NUMB: variants seen among roughly 807,000 people sequenced by gnomAD.
NUMB encodes NUMB endocytic adaptor protein.
In NUMB, 29 loss-of-function variants were observed where a neutral mutation model predicts 59.7. The ratio of observed to expected loss-of-function variants is 0.49; its 90% CI spans 0.36 to 0.66. The LOEUF (loss-of-function observed/expected upper bound fraction) is 0.66. Ranked by LOEUF, NUMB falls within the 30% of genes least tolerant of loss-of-function variation. The probability of loss-of-function intolerance (pLI) is 0.00; values close to 1 mark genes in which losing one functional copy is unlikely to be tolerated. For missense variants in NUMB, 723 were observed against 822.0 expected (o/e 0.88, Z 1.47); for synonymous variants, 288 against 288.2 (o/e 1.00, Z 0.01).
intron 2 of NUMB, among the ~76,000 whole-genome samples, chr14:73,388,452 A>G (rs192170645): frequency 3.1e-4 from 47 of 152,368 alleles, no homozygotes; most frequent in Admixed American, 1.8e-3. Context: ...GTATTATAGC[A>G]GAAAGTAAAT....
chr14:73,362,613 T>C (rs1290064514), intron 3 of NUMB, among the ~76,000 whole-genome samples: 1 of 151,944 alleles, frequency 6.6e-6, no homozygotes, highest in Non-Finnish European at 1.5e-5. Flanking sequence ...CAGCTATTTT[T>C]TGTAGAGACG....
intron 8 of NUMB, among the ~76,000 whole-genome samples, chr14:73,288,547 G>A (rs573577793): frequency 1.3e-5 from 2 of 149,986 alleles, no homozygotes; most frequent in South Asian, 2.1e-4. Flanking sequence ...GCAAAACTCC[G>A]TCTCAAAAAA....
At chr14:73,399,485 C>G (rs566015206) in intron 2 of NUMB, among the ~76,000 whole-genome samples, 1 of 152,258 alleles carries the variant, frequency 6.6e-6, no homozygotes, top group East Asian at 1.9e-4. Flanking sequence ...ATTGCTTGAA[C>G]CCAGGACACA....
intron 1 of NUMB, among the ~76,000 whole-genome samples, chr14:73,437,318 T>C (rs902621506): frequency 5.3e-5 from 8 of 152,202 alleles, no homozygotes; most frequent in African/African-American, 1.9e-4. Flanking sequence ...ATTACAGGCA[T>C]AAGCCATCAC....
At chr14:73,379,948 T>C (rs748120828) in intron 2 of NUMB, among the ~76,000 whole-genome samples, 1 of 152,228 alleles carries the variant, frequency 6.6e-6, no homozygotes, top group African/African-American at 2.4e-5. Context: ...ACGAGATTTA[T>C]GTTTTTTAAG....
chr14:73,401,188 C>A (rs10137963), intron 2 of NUMB, among the ~76,000 whole-genome samples: 1 of 152,220 alleles, frequency 6.6e-6, no homozygotes, highest in African/African-American at 2.4e-5. Flanking sequence ...GAAATCCCCA[C>A]GCATTTTGGT....
chr14:73,407,224 A>C (rs751897265), intron 2 of NUMB, among the ~76,000 whole-genome samples: 1 of 152,076 alleles, frequency 6.6e-6, no homozygotes, highest in Non-Finnish European at 1.5e-5. Flanking sequence ...GGCCGAGATG[A>C]GCAGATGGCT....
Position 73,320,127 on chromosome 14 carries a change from G to A in NUMB, c.201+3003C>T, listed in dbSNP as rs896342858. On this transcript the variant is annotated intron_variant, in intron 5 of 12. Coordinates refer to ENST00000555238, the MANE Select transcript of NUMB (RefSeq NM_001005743.2). ...AACCTGGGTGACAGAGCAAGACTCC[G>A]ACTCGGCGGGGGGGCAAAAAAAGAA... Among the ~76,000 whole-genome samples, 11 of 144,062 alleles carry A rather than the reference G, an allele frequency of 7.6e-5. No homozygotes were observed. The South Asian group carries it at 9.0e-4, about 12-fold the overall frequency. The allele number at this position is 144,062 out of a possible 152,430, so 94.5% of individuals were successfully genotyped here.
At chr14:73,421,070 A>G (rs1200110894) in intron 1 of NUMB, among the ~76,000 whole-genome samples, 1 of 152,204 alleles carries the variant, frequency 6.6e-6, no homozygotes, top group Non-Finnish European at 1.5e-5. Flanking sequence ...CAGTGCACAA[A>G]CCTGAAATAA....
chr14:73,406,544 G>A (rs1303863671), intron 2 of NUMB, among the ~76,000 whole-genome samples: 16 of 151,914 alleles, frequency 1.1e-4, no homozygotes, highest in South Asian at 6.2e-4. Flanking sequence ...GAATAGTGCC[G>A]CAATAAACAT....
rs771373657 is a variant in NUMB at position 73,279,283 on chromosome 14, G to A, written c.1238C>T (p.Ser413Leu). 20 of 1,613,956 alleles carry A rather than the reference G, an allele frequency of 1.2e-5. No individual in the cohort carries two copies. Among genetic ancestry groups the A allele is most frequent in the South Asian group, 2.2e-5 (2 of 91,050 alleles). Residue 413 changes from serine (S) to leucine (L), a missense_variant and splice_region_variant, in exon 12 of 13, where the codon TCG (serine) becomes TTG (leucine). Coordinates refer to ENST00000555238, the MANE Select transcript of NUMB (RefSeq NM_001005743.2). ...AACACCATCTGTGGCCACCTTACCC[G>A]AACATGTGGCTGCAATTTCCTTGTT... ...AANKEIAATC[S>L]GTEWGQSSGA...
chr14:73,352,528 A>ATATATATATT (rs1566756459), intron 4 of NUMB, among the ~76,000 whole-genome samples: 1 of 11,690 alleles, frequency 8.6e-5, no homozygotes, highest in Non-Finnish European at 1.4e-4. Flanking sequence ...ATATATATAT[A>ATATATATATT]TGTTTTTTTT....
At chr14:73,319,516 T>TA (rs1260538119) in intron 5 of NUMB, among the ~76,000 whole-genome samples, 1 of 152,208 alleles carries the variant, frequency 6.6e-6, no homozygotes, top group Non-Finnish European at 1.5e-5. Flanking sequence ...TATGCATCCT[T>TA]ATATTTGCTC....
intron 1 of NUMB, among the ~76,000 whole-genome samples, chr14:73,445,005 T>TA (rs1165526933): frequency 9.2e-5 from 14 of 151,986 alleles, no homozygotes; most frequent in African/African-American, 3.4e-4. Flanking sequence ...CCAAGGAGAT[T>TA]CAATACAGTA....
At chr14:73,296,456 A>G (rs925085365) in intron 7 of NUMB, among the ~76,000 whole-genome samples, 3 of 151,950 alleles carry the variant, frequency 2.0e-5, no homozygotes, top group Non-Finnish European at 2.9e-5. Context: ...AAAAAAAAAA[A>G]AGAACTCAGA....
intron 2 of NUMB, among the ~76,000 whole-genome samples, chr14:73,384,612 C>A (rs188071580): frequency 6.6e-6 from 1 of 152,242 alleles, no homozygotes; most frequent in South Asian, 2.1e-4. Flanking sequence ...CTCTCGCCTA[C>A]GCTGGAGTGC....
chr14:73,335,289 C>A (rs1167402115), intron 4 of NUMB, among the ~76,000 whole-genome samples: 1 of 114,964 alleles, frequency 8.7e-6, no homozygotes, highest in Non-Finnish European at 1.7e-5. Flanking sequence ...GCTATTTATG[C>A]CAGCCAAAAA....
intron 1 of NUMB, among the ~76,000 whole-genome samples, chr14:73,424,163 G>T (rs147143955): frequency 2.1e-4 from 32 of 151,970 alleles, no homozygotes; most frequent in African/African-American, 7.7e-4. Context: ...CTGAATATGA[G>T]AAATTTTTAA....
intron 1 of NUMB, among the ~76,000 whole-genome samples, chr14:73,443,778 GT>G (rs1222186107): frequency 1.3e-5 from 2 of 151,988 alleles, no homozygotes; most frequent in Admixed American, 6.6e-5. Context: ...AGCCTCCCGA[GT>G]GGCTGGGATT....
Sources: gnomAD v4.1 joint callset for allele counts (sites outside exome capture counted in the v4.1 genomes callset) on GRCh38, gnomAD v4.1.1 for gene constraint, MANE v1.5 for transcripts, NCBI Gene and HGNC (gene_info 2026-07-23, HGNC 2026-07-21) for gene names.